MYO1B: variants seen among roughly 807,000 people sequenced by gnomAD.
MYO1B encodes the protein myosin IB.
In MYO1B, 72 loss-of-function variants were observed where a neutral mutation model predicts 159.7. That is an observed-to-expected ratio of 0.45 (90% CI 0.37 to 0.55). The LOEUF (loss-of-function observed/expected upper bound fraction) is 0.55. Ranked by LOEUF, MYO1B falls within the 20% of genes least tolerant of loss-of-function variation. MYO1B has a pLI of 0.00. For synonymous variants in MYO1B, 468 were observed against 473.8 expected, an observed-to-expected ratio of 0.99 and a Z score of 0.16; for missense variants, 1,062 against 1,364.8, an observed-to-expected ratio of 0.78 and a Z score of 3.50.
chr2:191,364,116 G>T (rs369699483), intron 10 of MYO1B, 42 bp from the exon 11 acceptor site: 1 of 1,477,674 alleles, frequency 6.8e-7, no homozygotes, highest in Non-Finnish European at 9.5e-7. Flanking sequence ...TTAGCAGCAC[G>T]TGTACAGTCA....
intron 11 of MYO1B, among the ~76,000 whole-genome samples, chr2:191,365,125 G>A (rs956798072): frequency 2.0e-5 from 3 of 152,170 alleles, no homozygotes; most frequent in Non-Finnish European, 4.4e-5. Context: ...CTGTATACGT[G>A]CATGTATACC....
At chr2:191,254,045 G>A (rs373713413) in intron 1 of MYO1B, among the ~76,000 whole-genome samples, 3 of 152,264 alleles carry the variant, frequency 2.0e-5, no homozygotes, top group African/African-American at 7.2e-5. Flanking sequence ...TGTTGCTGGT[G>A]TACAAGAAAG....
chr2:191,251,621 A>G (rs1488834799), intron 1 of MYO1B, among the ~76,000 whole-genome samples: 1 of 152,236 alleles, frequency 6.6e-6, no homozygotes, highest in African/African-American at 2.4e-5. Context: ...TCGCTGTGTT[A>G]AAATGAAAAT....
chr2:191,335,892 C>T (rs763963683), intron 4 of MYO1B, among the ~76,000 whole-genome samples: 7 of 152,144 alleles, frequency 4.6e-5, no homozygotes, highest in Non-Finnish European at 7.3e-5. Flanking sequence ...TAGGGAGAGG[C>T]GTGAACTCTT....
chr2:191,299,005 C>A (rs1689149526), intron 3 of MYO1B, among the ~76,000 whole-genome samples: 2 of 152,146 alleles, frequency 1.3e-5, no homozygotes, highest in Non-Finnish European at 1.5e-5. Flanking sequence ...TTGACTGTGC[C>A]TCAGTTTACC....
intron 1 of MYO1B, among the ~76,000 whole-genome samples, chr2:191,275,627 G>A (rs1279847048): frequency 6.6e-6 from 1 of 152,154 alleles, no homozygotes; most frequent in Non-Finnish European, 1.5e-5. Flanking sequence ...GTGTGCCGAA[G>A]TGACTCCTTA....
At chr2:191,334,255 C>G (rs796084157) in intron 4 of MYO1B, among the ~76,000 whole-genome samples, 7 of 152,052 alleles carry the variant, frequency 4.6e-5, no homozygotes, top group African/African-American at 1.7e-4. Context: ...GAAGACAGCA[C>G]GTCCACTAAT....
chr2:191,270,616 G>C (rs1458209982), intron 1 of MYO1B, among the ~76,000 whole-genome samples: 2 of 152,158 alleles, frequency 1.3e-5, no homozygotes, highest in African/African-American at 4.8e-5. Context: ...ATCTAGGAAG[G>C]AAATTCCAGT....
Position 191,422,548 on chromosome 2 carries a change from T to C in MYO1B, c.3288-1289T>C, listed in dbSNP as rs555144179. ...TATACACTAATGGATTTTTTAAATT[T>C]TTATAATTTTTATATAAATATTTTA... On this transcript the variant is annotated intron_variant, in intron 30 of 30. Transcript: ENST00000392318. Among the ~76,000 whole-genome samples the C allele has an allele frequency of 8.5e-5, 13 of 152,256 alleles. 2 individuals carry two copies. In the South Asian group the frequency reaches 2.7e-3, roughly 32 times the overall value.
At chr2:191,326,090 C>T (rs1013698182) in intron 3 of MYO1B, among the ~76,000 whole-genome samples, 2 of 152,184 alleles carry the variant, frequency 1.3e-5, no homozygotes, top group African/African-American at 2.4e-5. Context: ...TACTCCCTTA[C>T]GCTATCGTCA....
chr2:191,286,454 A>G (rs1449124444), intron 2 of MYO1B, among the ~76,000 whole-genome samples: 1 of 152,220 alleles, frequency 6.6e-6, no homozygotes, highest in Non-Finnish European at 1.5e-5. Flanking sequence ...TCAAATTCCC[A>G]GGGTCTCAGA....
intron 13 of MYO1B, among the ~76,000 whole-genome samples, chr2:191,373,008 C>T (rs1001842667): frequency 2.7e-5 from 4 of 150,260 alleles, no homozygotes; most frequent in African/African-American, 7.4e-5. Context: ...TGCAGCACCA[C>T]GCCCAGCTAA....
At chr2:191,286,097 C>T (rs921737) in intron 2 of MYO1B, among the ~76,000 whole-genome samples, 80,670 of 151,964 alleles carry the variant, frequency 0.53, 22,115 homozygotes, top group East Asian at 0.66. Context: ...AGTTCTATTC[C>T]CCTGTAAAAT....
chr2:191,282,548 C>G (rs944239645), intron 2 of MYO1B, among the ~76,000 whole-genome samples: 6 of 152,186 alleles, frequency 3.9e-5, no homozygotes, highest in Non-Finnish European at 8.8e-5. Flanking sequence ...AATAGTACAG[C>G]CAGACATATC....
chr2:191,268,342 A>C (rs1687263114), intron 1 of MYO1B, among the ~76,000 whole-genome samples: 1 of 152,138 alleles, frequency 6.6e-6, no homozygotes, highest in African/African-American at 2.4e-5. Flanking sequence ...TTTTCTTATA[A>C]GGACACCAAT....
chr2:191,362,263 AAT>A lies in MYO1B; in HGVS notation c.662-3_662-2del. 6.2e-7 allele frequency: 1 copy of A among 1,611,056 alleles called. No individual in the cohort carries two copies. Among genetic ancestry groups the A allele is most frequent in the Non-Finnish European group, 8.5e-7 (1 of 1,177,604 alleles). On this transcript the variant is annotated splice_region_variant and splice_polypyrimidine_tract_variant and intron_variant, in intron 8 of 30. Transcript: ENST00000392318. ...ACTTAACAACTTGTGTCTTTGATTCAATAGATAAACTTAAGCTTGAGAGGGAT... is the reference window on the plus strand; with the variant it reads ...ACTTAACAACTTGTGTCTTTGATTCAAGATAAACTTAAGCTTGAGAGGGAT...
chr2:191,361,260 G>A (rs1490293142), intron 8 of MYO1B, among the ~76,000 whole-genome samples: 1 of 152,162 alleles, frequency 6.6e-6, no homozygotes, highest in South Asian at 2.1e-4. Context: ...TGATTTTTCT[G>A]TTTGGGGAGA....
Position 191,383,309 on chromosome 2 carries a change from C to A in MYO1B, c.1320C>A (p.Phe440Leu), listed in dbSNP as rs1235504125. Reference sequence around the variant, plus strand: ...TAGAATGGACTCACATTGACTACTTCAATAATGCTATCATTTGTGACCTAA... The same window carrying A: ...TAGAATGGACTCACATTGACTACTTAAATAATGCTATCATTTGTGACCTAA... ...EDIEWTHIDYFNNAIICDLIE... is the reference protein window; with the variant it reads ...EDIEWTHIDYLNNAIICDLIE... Residue 440 changes from phenylalanine to leucine, a missense_variant, in exon 15 of 31, where the codon TTC becomes TTA. Physicochemically the swap from Phe to Leu is conservative, Grantham distance 22. Coordinates refer to ENST00000392318, the MANE Select transcript of MYO1B (RefSeq NM_001130158.3). The A allele has an allele frequency of 5.7e-6, 9 of 1,581,808 alleles. No individual in the cohort carries two copies. The Admixed American group carries it at 9.1e-5, about 16-fold the overall frequency.
intron 2 of MYO1B, among the ~76,000 whole-genome samples, chr2:191,293,066 T>G (rs1309010003): frequency 5.3e-5 from 8 of 152,330 alleles, no homozygotes; most frequent in African/African-American, 1.9e-4. Context: ...ACAGGCTAGC[T>G]CAAGCTCATT....
Sources: gnomAD v4.1 joint callset for allele counts (sites outside exome capture counted in the v4.1 genomes callset) on GRCh38, gnomAD v4.1.1 for gene constraint, MANE v1.5 for transcripts, NCBI Gene and HGNC (gene_info 2026-07-23, HGNC 2026-07-21) for gene names.